The following NEIL3 variants were observed in gnomAD, a reference collection of about 807,000 sequenced individuals.
NEIL3 encodes the protein endonuclease 8-like 3.
In NEIL3, 48 loss-of-function variants were observed where a neutral mutation model predicts 57.5. The ratio of observed to expected loss-of-function variants is 0.83; its 90% CI spans 0.66 to 1.06. The LOEUF (loss-of-function observed/expected upper bound fraction) is 1.06, where lower values mean the gene tolerates loss of function less well. NEIL3 is among the 50% of genes least tolerant of loss of function. The probability of loss-of-function intolerance (pLI) is 0.00; values close to 1 mark genes in which losing one functional copy is unlikely to be tolerated. For missense variants in NEIL3, 717 were observed against 739.1 expected, an observed-to-expected ratio of 0.97 and a Z score of 0.35; for synonymous variants, 261 against 253.2, an observed-to-expected ratio of 1.03 and a Z score of -0.29.
intron 1 of NEIL3, among the ~76,000 whole-genome samples, chr4:177,319,211 C>G (rs1734629401): frequency 6.6e-6 from 1 of 152,156 alleles, no homozygotes; most frequent in African/African-American, 2.4e-5. Flanking sequence ...ACTTCTCTGT[C>G]TCTTTGCTAG....
chr4:177,324,272 G>T (rs34592971), intron 2 of NEIL3, among the ~76,000 whole-genome samples: 106 of 152,202 alleles, frequency 7.0e-4, no homozygotes, highest in African/African-American at 2.4e-3. Context: ...AGAGCATATA[G>T]CAGGAAACAC....
chr4:177,349,034 ATT>A (rs70938582), intron 6 of NEIL3, among the ~76,000 whole-genome samples: 44,110 of 100,354 alleles, frequency 0.44, 8,104 homozygotes, highest in Middle Eastern at 0.58. Context: ...CACCTGGCTA[ATT>A]TTTTTTTTTT....
At chr4:177,355,641 T>C (rs1448746293) in intron 8 of NEIL3, among the ~76,000 whole-genome samples, 5 of 152,310 alleles carry the variant, frequency 3.3e-5, no homozygotes, top group African/African-American at 9.6e-5. Context: ...ATTCACTGGC[T>C]TTTCCTCTTA....
intron 6 of NEIL3, among the ~76,000 whole-genome samples, chr4:177,345,338 G>T (rs1206252747): frequency 6.6e-6 from 1 of 152,156 alleles, no homozygotes; most frequent in Admixed American, 6.5e-5. Flanking sequence ...CATTTGGAAT[G>T]CTGCACACAG....
chr4:177,320,462 C>CTTTTTTTTTTTTTTTTTTTT lies in NEIL3; in HGVS notation c.157-1996_157-1995insTTTTTTTTTTTTTTTTTTTT, dbSNP rs1560908362. Among the ~76,000 whole-genome samples the CTTTTTTTTTTTTTTTTTTTT allele has an allele frequency of 2.7e-5, 3 of 110,694 alleles. 1 individual carries two copies. The highest frequency in any genetic ancestry group is 5.5e-5 in the Non-Finnish European group (3 of 54,364). 72.6% of individuals were successfully genotyped at this position (110,694 alleles called of 152,430 possible). ...ATTTGTGCAGAACAGGAAGTGACTG[C>CTTTTTTTTTTTTTTTTTTTT]TGTCTTTTTTTTTTTTTTTTTTTTT... On this transcript the variant is annotated intron_variant, in intron 1 of 9. Transcript: ENST00000264596.
rs1055677 is a variant in NEIL3 at position 177,362,644 on chromosome 4, C to G, written c.*173C>G. ...GCCATCTTTCCATTGTTGGCTACGT[C>G]TTTTCTTTTGCCTTGATGAACGTTC... On this transcript the variant is annotated 3_prime_UTR_variant, in exon 10 of 10. Transcript: ENST00000264596. 64,773 of 514,376 alleles carry G rather than the reference C, an allele frequency of 0.13. 5,159 individuals are homozygous for G. Among genetic ancestry groups the G allele is most frequent in the African/African-American group, 0.26 (13,282 of 50,476 alleles). The allele number at this position is 514,376 out of a possible 1,614,324, so 31.9% of individuals were successfully genotyped here.
chr4:177,362,556 A>AT lies in NEIL3; in HGVS notation c.*86dup. ...CTGTTTCATAGAAAAGTCATAGAAT[A>AT]TCTATGATACATTGAAAAGTTACTG... On this transcript the variant is annotated 3_prime_UTR_variant, in exon 10 of 10. Transcript: ENST00000264596. 4.7e-5 allele frequency: 45 copies of AT among 959,970 alleles called. No individual in the cohort carries two copies. The highest frequency in any genetic ancestry group is 6.3e-5 in the Non-Finnish European group (42 of 665,818). 59.5% of individuals were successfully genotyped at this position (959,970 alleles called of 1,614,324 possible).
At chr4:177,322,708 T>G (rs1734710907) in intron 2 of NEIL3, 128 bp downstream of exon 2, 1 of 984,610 alleles carries the variant, frequency 1.0e-6, no homozygotes, top group East Asian at 2.5e-5. Flanking sequence ...AGCTCCAATA[T>G]GAGAGGTTGT....
At chr4:177,329,334 CA>C (rs1330036154) in intron 2 of NEIL3, among the ~76,000 whole-genome samples, 29 of 152,012 alleles carry the variant, frequency 1.9e-4, no homozygotes, top group African/African-American at 6.7e-4. Context: ...ACACAAGACC[CA>C]ACTATAATGT....
At chr4:177,338,569 G>A (rs1479279285) in intron 4 of NEIL3, among the ~76,000 whole-genome samples, 2 of 152,192 alleles carry the variant, frequency 1.3e-5, no homozygotes, top group Non-Finnish European at 2.9e-5. Context: ...TCACACACAG[G>A]CAACAAGCAT....
intron 4 of NEIL3, 85 bp downstream of exon 4, chr4:177,336,406 A>G (rs1017622871): frequency 2.0e-6 from 2 of 989,378 alleles, no homozygotes; most frequent in Non-Finnish European, 3.1e-6. Flanking sequence ...TCTGCATTTC[A>G]GTAACACAGT....
intron 1 of NEIL3, among the ~76,000 whole-genome samples, chr4:177,321,872 C>G (rs1380324906): frequency 6.6e-6 from 1 of 152,176 alleles, no homozygotes; most frequent in African/African-American, 2.4e-5. Flanking sequence ...AATTGAAGCT[C>G]TCATTCCTTA....
intron 5 of NEIL3, among the ~76,000 whole-genome samples, chr4:177,341,129 A>G (rs578034893): frequency 2.6e-5 from 4 of 152,232 alleles, no homozygotes; most frequent in Admixed American, 1.3e-4. Context: ...TCTTTTAACT[A>G]TATAATTATG....
chr4:177,357,271 C>A (rs1022767330), intron 8 of NEIL3, among the ~76,000 whole-genome samples: 3 of 152,126 alleles, frequency 2.0e-5, no homozygotes, highest in Non-Finnish European at 4.4e-5. Context: ...TGAGTTAAAC[C>A]AAGCTTGTCC....
chr4:177,332,167 T>TC (rs1375581702), intron 2 of NEIL3, among the ~76,000 whole-genome samples: 1 of 152,210 alleles, frequency 6.6e-6, no homozygotes, highest in East Asian at 1.9e-4. Flanking sequence ...TCCCTTGCCC[T>TC]CCTATGGCAG....
chr4:177,355,715 T>G (rs1735458311), intron 8 of NEIL3, among the ~76,000 whole-genome samples: 2 of 152,152 alleles, frequency 1.3e-5, no homozygotes, highest in Non-Finnish European at 2.9e-5. Context: ...GACCATTTGG[T>G]GTAAACTCCT....
intron 1 of NEIL3, among the ~76,000 whole-genome samples, chr4:177,310,853 T>A (rs567813118): frequency 3.3e-5 from 5 of 152,246 alleles, no homozygotes; most frequent in Non-Finnish European, 7.3e-5. Flanking sequence ...TTGCACTGTA[T>A]TTCAATTTCT....
At chr4:177,359,210 T>A (rs1038165799) in intron 8 of NEIL3, among the ~76,000 whole-genome samples, 5 of 152,200 alleles carry the variant, frequency 3.3e-5, no homozygotes, top group African/African-American at 9.7e-5. Flanking sequence ...AAAGTTACCA[T>A]CAAAATAGTT....
intron 6 of NEIL3, 125 bp downstream of exon 6, chr4:177,341,767 A>C: frequency 1.3e-6 from 1 of 796,364 alleles, no homozygotes; most frequent in South Asian, 2.1e-5. Flanking sequence ...AAAGTATTTT[A>C]GTCCTTGAAA....
Sources: allele counts gnomAD v4.1 joint callset (sites outside exome capture counted in the v4.1 genomes callset), GRCh38; gene constraint gnomAD v4.1.1; transcripts MANE v1.5; gene names NCBI Gene and HGNC (gene_info 2026-07-23, HGNC 2026-07-21).